The following DLGAP2 variants were observed in gnomAD, a reference collection of about 807,000 sequenced individuals.
The protein encoded by DLGAP2 is DLG associated protein 2.
DLGAP2 carries 26 observed loss-of-function variants against 100.3 expected under a neutral mutation model. That is an observed-to-expected ratio of 0.26 (90% CI 0.19 to 0.36). The LOEUF is 0.36. Among genes scored for constraint, DLGAP2 ranks in the 10% least tolerant of loss-of-function variants. The pLI is 1.00. For synonymous variants in DLGAP2, 886 were observed against 630.1 expected, an observed-to-expected ratio of 1.41 and a Z score of -6.08; for missense variants, 1,858 against 1,453.2, an observed-to-expected ratio of 1.28 and a Z score of -4.53.
At chr8:1,602,566 T>C (rs1796663013) in intron 6 of DLGAP2, among the ~76,000 whole-genome samples, 1 of 152,254 alleles carries the variant, frequency 6.6e-6, no homozygotes, top group Admixed American at 6.5e-5. Context: ...CCTGCCCACC[T>C]GCACTGGCTT....
At chr8:1,221,590 G>A (rs1323248593) in intron 2 of DLGAP2, among the ~76,000 whole-genome samples, 1 of 152,010 alleles carries the variant, frequency 6.6e-6, no homozygotes, top group African/African-American at 2.4e-5. Context: ...TTGTCGTCTT[G>A]TATATTATCT....
chr8:1,182,624 G>T (rs1243639565), intron 2 of DLGAP2, among the ~76,000 whole-genome samples: 1 of 152,226 alleles, frequency 6.6e-6, no homozygotes, highest in African/African-American at 2.4e-5. Context: ...GCTTTTGGCA[G>T]TTGTTGCCTG....
At chr8:1,232,835 C>T (rs978759708) in intron 2 of DLGAP2, among the ~76,000 whole-genome samples, 17 of 152,102 alleles carry the variant, frequency 1.1e-4, no homozygotes, top group Non-Finnish European at 1.5e-4. Flanking sequence ...TTGAAGTGTG[C>T]GAGCCAGTGG....
chr8:910,337 A>G (rs1037949115), intron 2 of DLGAP2: 4 of 152,252 alleles, frequency 2.6e-5, no homozygotes, highest in Admixed American at 1.3e-4. Flanking sequence ...TGAAAGATAA[A>G]TATCCTATCG....
intron 2 of DLGAP2, among the ~76,000 whole-genome samples, chr8:1,168,199 A>G (rs1266761624): frequency 6.6e-6 from 1 of 151,790 alleles, no homozygotes; most frequent in Non-Finnish European, 1.5e-5. Flanking sequence ...TGTCCCTAGA[A>G]AGGACATGAA....
intron 2 of DLGAP2, among the ~76,000 whole-genome samples, chr8:1,227,567 C>T (rs1357237746): frequency 1.3e-5 from 2 of 151,748 alleles, no homozygotes; most frequent in Non-Finnish European, 2.9e-5. Flanking sequence ...AATCCTGGCT[C>T]ACTGCAAACT....
intron 3 of DLGAP2, among the ~76,000 whole-genome samples, chr8:1,339,798 G>A (rs1563092914): frequency 1.3e-5 from 2 of 152,174 alleles, no homozygotes; most frequent in African/African-American, 2.4e-5. Flanking sequence ...CATGGAAGGC[G>A]ATGGCTCAGC....
chr8:1,143,815 G>T (rs538958067), intron 2 of DLGAP2, among the ~76,000 whole-genome samples: 1 of 152,334 alleles, frequency 6.6e-6, no homozygotes, highest in East Asian at 1.9e-4. Context: ...CTTCTGTGCA[G>T]TGCTGGACCC....
intron 6 of DLGAP2, among the ~76,000 whole-genome samples, chr8:1,624,285 A>G (rs1258465507): frequency 6.6e-6 from 1 of 152,140 alleles, no homozygotes; most frequent in Non-Finnish European, 1.5e-5. Flanking sequence ...TCAAGGAAGC[A>G]TGGAAGGAGA....
chr8:1,387,378 C>A (rs974047639), intron 3 of DLGAP2, among the ~76,000 whole-genome samples: 9 of 152,054 alleles, frequency 5.9e-5, no homozygotes, highest in Non-Finnish European at 1.0e-4. Context: ...AGTAGAAACC[C>A]TGAATTGGGC....
chr8:1,638,437 T>C (rs1382056489), intron 8 of DLGAP2, among the ~76,000 whole-genome samples: 2 of 152,078 alleles, frequency 1.3e-5, no homozygotes, highest in East Asian at 1.9e-4. Flanking sequence ...GGTCTGGGAC[T>C]CACAGCCTCC....
At chr8:1,134,019 C>G (rs1326760224) in intron 2 of DLGAP2, among the ~76,000 whole-genome samples, 1 of 151,988 alleles carries the variant, frequency 6.6e-6, no homozygotes, top group Non-Finnish European at 1.5e-5. Context: ...CCCACAGGCC[C>G]CTGTGGATGT....
intron 3 of DLGAP2, among the ~76,000 whole-genome samples, chr8:1,457,977 T>C (rs1421919757): frequency 1.8e-4 from 4 of 21,828 alleles, no homozygotes; most frequent in Non-Finnish European, 2.4e-4. Context: ...TCTCTGATCA[T>C]ATATATATAT....
intron 4 of DLGAP2, among the ~76,000 whole-genome samples, chr8:1,519,688 T>C (rs184144367): frequency 9.5e-4 from 144 of 152,296 alleles, no homozygotes; most frequent in African/African-American, 2.9e-3. Context: ...CCAGAACTCA[T>C]TGTGGGCCTG....
intron 2 of DLGAP2, among the ~76,000 whole-genome samples, chr8:1,144,537 C>T (rs1024368413): frequency 1.3e-5 from 2 of 152,346 alleles, no homozygotes; most frequent in African/African-American, 4.8e-5. Flanking sequence ...TGTCTGTCTC[C>T]ATCCTTTCGA....
intron 3 of DLGAP2, among the ~76,000 whole-genome samples, chr8:1,355,115 G>A (rs1178417961): frequency 2.6e-5 from 4 of 152,258 alleles, no homozygotes; most frequent in South Asian, 4.1e-4. Context: ...GGAAAGTCAC[G>A]GAAATGTGCG....
At chr8:846,374 G>T (rs1364063240) in intron 1 of DLGAP2, among the ~76,000 whole-genome samples, 1 of 152,194 alleles carries the variant, frequency 6.6e-6, no homozygotes, top group Non-Finnish European at 1.5e-5. Context: ...CTGCACGTGA[G>T]TGAGATCATG....
chr8:1,105,840 AG>A, intron 2 of DLGAP2, among the ~76,000 whole-genome samples: 1 of 133,332 alleles, frequency 7.5e-6, no homozygotes, highest in Admixed American at 7.6e-5. Flanking sequence ...CCATTCTAGG[AG>A]GGTTTTCTAC....
At chr8:1,554,567 T>C (rs1453991828) in intron 5 of DLGAP2, among the ~76,000 whole-genome samples, 1 of 152,070 alleles carries the variant, frequency 6.6e-6, no homozygotes, top group Non-Finnish European at 1.5e-5. Context: ...CTGCTGCCCA[T>C]CTGCCTCCTG....
Sources: gnomAD v4.1 joint callset for allele counts (sites outside exome capture counted in the v4.1 genomes callset) on GRCh38, gnomAD v4.1.1 for gene constraint, MANE v1.5 for transcripts, NCBI Gene and HGNC (gene_info 2026-07-23, HGNC 2026-07-21) for gene names.